Variants in ZNF541 observed in about 807,000 individuals in gnomAD.
ZNF541 encodes zinc finger protein 541.
ZNF541 carries 23 observed loss-of-function variants against 123.5 expected under a neutral mutation model. The observed-to-expected ratio is 0.19, with a 90% CI of 0.13 to 0.26. ZNF541 has a LOEUF of 0.26. Ranked by LOEUF, ZNF541 falls within the 10% of genes least tolerant of loss-of-function variation. ZNF541 has a pLI of 1.00. For missense variants in ZNF541, 1,612 were observed against 1,789.9 expected (o/e 0.90, Z 1.79); for synonymous variants, 751 against 754.5 (o/e 1.00, Z 0.08).
rs546388694 is a variant in ZNF541 at position 47,540,228 on chromosome 19, A to G, written c.2570T>C (p.Met857Thr). Residue 857 changes from methionine to threonine, a missense_variant, in exon 7 of 17, where the codon ATG (methionine) becomes ACG (threonine). Physicochemically the swap from Met to Thr is moderately conservative, Grantham distance 81 (BLOSUM62 -1). Transcript: ENST00000391901. ...CGGCCACTGGTCGCTGTGAAAACAC[A>G]TGTGGCTGCTCAGCCCTTTCTCCGT... ...FYTEKGLSSHMCFHSDQWPSP... is the reference protein window; with the variant it reads ...FYTEKGLSSHTCFHSDQWPSP... The G allele has an allele frequency of 1.0e-5, 16 of 1,551,684 alleles. No homozygotes were observed. The highest frequency in any genetic ancestry group is 1.4e-5 in the Non-Finnish European group (16 of 1,147,004).
rs748379384 is a variant in ZNF541 at position 47,544,456 on chromosome 19, G to A, written c.2073C>T (p.Asp691=). Residue 691 remains aspartate (D), a synonymous_variant, in exon 5 of 17, where the codon GAC becomes GAT. Coordinates refer to ENST00000391901, the MANE Select transcript of ZNF541 (RefSeq NM_001277075.3). ...RSSKGTLDLE[D]IFPSTGQRQT... ...GCCGTTGGCCTGTGGAGGGGAAGAT[G>A]TCCTCCAGGTCCAAGGTCCCTTTAG... is the stretch of plus-strand genomic sequence containing the variant. 4.5e-6 allele frequency: 7 copies of A among 1,551,566 alleles called. No individual in the cohort carries two copies. In the South Asian group the frequency reaches 5.9e-5, roughly 13 times the overall value.
rs751903947 is a variant in ZNF541, at chr19:47,545,783, G to C, written c.746C>G (p.Pro249Arg). Residue 249 changes from proline to arginine, a missense_variant, in exon 5 of 17, where the codon CCG (proline) becomes CGG (arginine). By Grantham distance (103) the Pro-to-Arg change is moderately radical. Around this residue, in one of 5 missense-constraint regions of ZNF541, gnomAD observed 1,080 missense variants for 1,013.8 expected, o/e 1.07. Transcript: ENST00000391901. The surrounding 1 kb of genome is among the most constrained non-coding windows in gnomAD (Gnocchi z 7.5). ...SPHAHESAGQ[P>R]PPSSLRSLVP... ...CAGGGACCGCAGGCTGCTGGGGGGC[G>C]GCTGGCCGGCCGACTCGTGGGCGTG... 6.5e-7 allele frequency: 1 copy of C among 1,540,960 alleles called. No individual in the cohort carries two copies. Among genetic ancestry groups the C allele is most frequent in the Non-Finnish European group, 8.7e-7 (1 of 1,143,750 alleles).
rs140743431 is a variant in ZNF541 at position 47,571,665 on chromosome 19, T to C, written c.-99+231A>G. On this transcript the variant is annotated intron_variant, in intron 2 of 16. Transcript: ENST00000391901. ...TGAGCTAGGGAAGGAAAAACGTTTT[T>C]TGCAATAAACATCAATAAAGAAACA... 1.2e-4 allele frequency among the ~76,000 whole-genome samples: 18 copies of C among 151,972 alleles called. No individual in the cohort carries two copies. In the East Asian group the frequency reaches 3.5e-3, roughly 29 times the overall value.
rs1442894014 is a variant in ZNF541 at position 47,540,181 on chromosome 19, G to A, written c.2617C>T (p.Pro873Ser). 6.4e-7 allele frequency: 1 copy of A among 1,550,654 alleles called. No homozygotes were observed. The highest frequency in any genetic ancestry group is 1.2e-5 in the South Asian group (1 of 83,994). Reference protein sequence around the residue: ...QWPSPRGKQEPQVFGTEFCKP... With the variant: ...QWPSPRGKQESQVFGTEFCKP... ...CACTGGTCGTCCCCCTTCACCTGCGGTTCCTGCTTCCCTCGAGGTGACGGC... is the reference window on the plus strand; with the variant it reads ...CACTGGTCGTCCCCCTTCACCTGCGATTCCTGCTTCCCTCGAGGTGACGGC... Residue 873 changes from proline (P) to serine (S), a missense_variant, in exon 7 of 17, where the codon CCG becomes TCG. Pro to Ser is a moderately conservative substitution (Grantham distance 74). Around this residue, in one of 5 missense-constraint regions of ZNF541, gnomAD observed 1,080 missense variants for 1,013.8 expected, o/e 1.07. Coordinates refer to ENST00000391901, the MANE Select transcript of ZNF541 (RefSeq NM_001277075.3).
At chr19:47,562,346 C>T (rs954090061) in intron 2 of ZNF541, among the ~76,000 whole-genome samples, 1 of 152,094 alleles carries the variant, frequency 6.6e-6, no homozygotes, top group African/African-American at 2.4e-5. Context: ...GAGTTCAAGA[C>T]CAGCCTGGCC....
rs1390564239 is a variant in ZNF541, at chr19:47,520,728, T to A, written c.*496A>T. On this transcript the variant is annotated 3_prime_UTR_variant, in exon 17 of 17. Coordinates refer to ENST00000391901, the MANE Select transcript of ZNF541 (RefSeq NM_001277075.3). ...TTAATCAGATTTACGAGTTGACATG[T>A]ACAAAAAACACCGAACAATGCAGAA... 6.5e-6 allele frequency: 1 copy of A among 153,466 alleles called. No homozygotes were observed. The highest frequency in any genetic ancestry group is 1.5e-5 in the Non-Finnish European group (1 of 68,962). The allele number at this position is 153,466 out of a possible 1,614,324, so 9.5% of individuals were successfully genotyped here. A position where few individuals can be genotyped will look rare whatever the true frequency, so the allele number is the denominator to read the frequency against.
In ZNF541 at chr19:47,545,199, C is replaced by T. The variant is rs1040617428; in HGVS notation, c.1330G>A (p.Gly444Ser). 1.5e-5 allele frequency: 23 copies of T among 1,524,418 alleles called. No homozygotes were observed. Among genetic ancestry groups the T allele is most frequent in the Non-Finnish European group, 2.0e-5 (23 of 1,134,156 alleles). The allele number at this position is 1,524,418 out of a possible 1,614,324, so 94.4% of individuals were successfully genotyped here. A position where few individuals can be genotyped will look rare whatever the true frequency, so the allele number is the denominator to read the frequency against. The change falls in exon 5 of 17, where the codon GGC (glycine) becomes AGC (serine). Residue 444 changes from glycine (G) to serine (S), a missense_variant. Around this residue, in one of 5 missense-constraint regions of ZNF541, gnomAD observed 1,080 missense variants for 1,013.8 expected, o/e 1.07. Coordinates refer to ENST00000391901, the MANE Select transcript of ZNF541 (RefSeq NM_001277075.3). This position sits in a 1 kb window ranked among gnomAD's most constrained non-coding sequence, Gnocchi z 7.5. ...CTGGGTCCCGGGCCAGACTCGGAGC[C>T]CTCCCGCGAGGGCACGGCCGAGGGC... is the stretch of plus-strand genomic sequence containing the variant. ...HKPSAVPSRE[G>S]SESGPGPSSG...
In ZNF541 at chr19:47,539,868, G is replaced by A. The variant is rs1970002438; in HGVS notation, c.2633C>T (p.Thr878Ile). ...RGKQEPQVFG[T>I]EFCKPLRQVL... ...CTGTCTTAGCGGCTTGCAAAACTCTGTGCCAAACACCTAAACACAGAAGAG... is the reference window on the plus strand; with the variant it reads ...CTGTCTTAGCGGCTTGCAAAACTCTATGCCAAACACCTAAACACAGAAGAG... The change falls in exon 8 of 17, where the codon ACA becomes ATA. Residue 878 changes from threonine to isoleucine, a missense_variant. Around this residue, in one of 5 missense-constraint regions of ZNF541, gnomAD observed 1,080 missense variants for 1,013.8 expected, o/e 1.07. Coordinates refer to ENST00000391901, the MANE Select transcript of ZNF541 (RefSeq NM_001277075.3). The A allele has an allele frequency of 6.6e-7, 1 of 1,524,198 alleles. No individual in the cohort carries two copies. The highest frequency in any genetic ancestry group is 8.8e-7 in the Non-Finnish European group (1 of 1,139,802). The allele number at this position is 1,524,198 out of a possible 1,614,324, so 94.4% of individuals were successfully genotyped here.
intron 2 of ZNF541, among the ~76,000 whole-genome samples, chr19:47,560,137 G>C (rs1321558551): frequency 6.6e-6 from 1 of 152,180 alleles, no homozygotes; most frequent in Non-Finnish European, 1.5e-5. Flanking sequence ...AGTGGCTACA[G>C]ACAGGGCGTT....
chr19:47,550,720 C>A (rs1260699807), intron 3 of ZNF541, among the ~76,000 whole-genome samples: 1 of 152,192 alleles, frequency 6.6e-6, no homozygotes, highest in Non-Finnish European at 1.5e-5. Context: ...GATCACAGCT[C>A]ATTGCAGTCT....
intron 2 of ZNF541, among the ~76,000 whole-genome samples, chr19:47,559,765 G>A (rs1173091519): frequency 6.7e-6 from 1 of 150,222 alleles, no homozygotes. Context: ...CAGGAGGATC[G>A]CTCGAACCCA....
In ZNF541 at chr19:47,521,807, G is replaced by C. The variant is rs769990579; in HGVS notation, c.3711+47C>G. On this transcript the variant is annotated intron_variant, in intron 15 of 16. Coordinates refer to ENST00000391901, the MANE Select transcript of ZNF541 (RefSeq NM_001277075.3). This position sits in a 1 kb window ranked among gnomAD's most constrained non-coding sequence, Gnocchi z 4.2. ...CACCGTCCAACTCAACGGGTAGCAG[G>C]CACTGGGAGGAGAGAAGAGCTCCCG... is the stretch of plus-strand genomic sequence containing the variant. The C allele has an allele frequency of 1.3e-6, 2 of 1,541,768 alleles. No homozygotes were observed. The highest frequency in any genetic ancestry group is 1.8e-6 in the Non-Finnish European group (2 of 1,141,092).
intron 2 of ZNF541, among the ~76,000 whole-genome samples, chr19:47,560,943 C>T: frequency 6.6e-6 from 1 of 152,030 alleles, no homozygotes; most frequent in East Asian, 1.9e-4. Context: ...ATGCACATTG[C>T]TAAGTGAAGG....
chr19:47,521,523 T>G lies in ZNF541; in HGVS notation c.3843A>C (p.Gly1281=). 2 of 1,551,518 alleles carry G rather than the reference T, an allele frequency of 1.3e-6. No homozygotes were observed. The highest frequency in any genetic ancestry group is 1.7e-6 in the Non-Finnish European group (2 of 1,146,948). Residue 1281 remains glycine, a synonymous_variant, in exon 16 of 17, where the codon GGA becomes GGC. Transcript: ENST00000391901. The surrounding 1 kb of genome is among the most constrained non-coding windows in gnomAD (Gnocchi z 4.2). ...GAAAAATGCCCTGGCTCTCTGCACT[T>G]CCCAACAGCTCGGGGGTCCGCTTGG... ...AGSKRTPELL[G]SAESQGIFPC... is the part of the protein sequence containing the mutation.
chr19:47,531,675 C>A lies in ZNF541; in HGVS notation c.3372G>T (p.Leu1124=). The change falls in exon 12 of 17, where the codon CTG becomes CTT. Residue 1124 remains leucine, a synonymous_variant. Transcript: ENST00000391901. ...PGGGTNLELA[L]HCLHEAQGNV... is the part of the protein sequence containing the mutation. Reference sequence around the variant, plus strand: ...TGCCCTGAGCCTCGTGCAGGCAGTGCAGAGCGAGCTCCAGGTTGGTGCCCC... The same window carrying A: ...TGCCCTGAGCCTCGTGCAGGCAGTGAAGAGCGAGCTCCAGGTTGGTGCCCC... 6.5e-7 allele frequency: 1 copy of A among 1,548,564 alleles called. No individual in the cohort carries two copies. The highest frequency in any genetic ancestry group is 1.2e-5 in the South Asian group (1 of 83,898).
intron 12 of ZNF541, among the ~76,000 whole-genome samples, chr19:47,530,728 CTGCA>C (rs1418038410): frequency 2.0e-5 from 3 of 152,000 alleles, no homozygotes; most frequent in African/African-American, 7.2e-5. Context: ...CTCACTGCAA[CTGCA>C]CTCCACCTCC....
Position 47,569,250 on chromosome 19 carries a change from G to GTAA in ZNF541, c.-99+2643_-99+2645dup, listed in dbSNP as rs949382308. On this transcript the variant is annotated intron_variant, in intron 2 of 16. Coordinates refer to ENST00000391901, the MANE Select transcript of ZNF541 (RefSeq NM_001277075.3). ...CCTGGCCCTTATAATATTCATCATTGTAATAATAATAATAATAATAACAGT... is the reference window on the plus strand; with the variant it reads ...CCTGGCCCTTATAATATTCATCATTGTAATAATAATAATAATAATAATAACAGT... Among the ~76,000 whole-genome samples, 287 of 151,480 alleles carry GTAA rather than the reference G, an allele frequency of 1.9e-3. 1 individual carries two copies. The highest frequency in any genetic ancestry group is 6.1e-3 in the African/African-American group (254 of 41,340).
Position 47,549,582 on chromosome 19 carries a change from T to A in ZNF541, c.308-97A>T, listed in dbSNP as rs567007343. On this transcript the variant is annotated intron_variant, in intron 3 of 16. Coordinates refer to ENST00000391901, the MANE Select transcript of ZNF541 (RefSeq NM_001277075.3). The stretch of plus-strand genomic sequence containing the variant: ...TACACCTCTTAGAACCATGGTGGCC[T>A]TGTAAGTGTTGCGCGAGAACTCTTG... 27 of 1,490,134 alleles carry A rather than the reference T, an allele frequency of 1.8e-5. 1 individual carries two copies. Among genetic ancestry groups the A allele is most frequent in the Non-Finnish European group, 2.4e-5 (27 of 1,112,798 alleles). The allele number at this position is 1,490,134 out of a possible 1,614,324, so 92.3% of individuals were successfully genotyped here. A position where few individuals can be genotyped will look rare whatever the true frequency, so the allele number is the denominator to read the frequency against.
intron 2 of ZNF541, among the ~76,000 whole-genome samples, chr19:47,571,580 G>C (rs1274071992): frequency 2.0e-5 from 3 of 152,274 alleles, no homozygotes; most frequent in Admixed American, 6.5e-5. Context: ...TTTGCTTCAC[G>C]ACAATCCTTA....
Sources: gnomAD v4.1 joint callset for allele counts (sites outside exome capture counted in the v4.1 genomes callset) on GRCh38, gnomAD v4.1.1 for gene constraint, gnomAD v4.1.1 regional missense constraint, Gnocchi (gnomAD v3.1) non-coding constraint, MANE v1.5 for transcripts, NCBI Gene and HGNC (gene_info 2026-07-23, HGNC 2026-07-21) for gene names.